The following LCT variants were observed in gnomAD, a reference collection of about 807,000 sequenced individuals.
The protein encoded by LCT is lactase, also known as lactase/phlorizin hydrolase.
Under a neutral mutation model 173.0 loss-of-function variants are expected in LCT, and 90 were observed. That is an observed-to-expected ratio of 0.52 (90% CI 0.44 to 0.62). The LOEUF (loss-of-function observed/expected upper bound fraction) is 0.62. Ranked by LOEUF, LCT falls within the 20% of genes least tolerant of loss-of-function variation. LCT has a pLI of 0.00. For missense variants in LCT, 1,864 were observed against 2,431.4 expected (o/e 0.77, Z 4.91); for synonymous variants, 853 against 957.6 (o/e 0.89, Z 2.02).
chr2:135,830,579 G>A (rs1041550609), intron 2 of LCT, among the ~76,000 whole-genome samples: 2 of 152,238 alleles, frequency 1.3e-5, no homozygotes, highest in Non-Finnish European at 2.9e-5. Context: ...GCCTGTGGAA[G>A]TTACTTATAT....
Position 135,817,494 on chromosome 2 carries a change from G to A in LCT, c.1554C>T (p.Ala518=), listed in dbSNP as rs773694350. ...AGCAGAAGGCCGCATAGTCCAGGAA[G>A]GCATCCACCACGCTCTCATTCTGCC... ...GGWQNESVVD[A]FLDYAAFCFS... The change falls in exon 6 of 17, where the codon GCC becomes GCT. Residue 518 remains alanine (A), a synonymous_variant. Coordinates refer to ENST00000264162, the MANE Select transcript of LCT (RefSeq NM_002299.4). 6 of 1,614,204 alleles carry A rather than the reference G, an allele frequency of 3.7e-6. No individual in the cohort carries two copies. The South Asian group carries it at 5.5e-5, about 15-fold the overall frequency.
At chr2:135,812,985 T>C (rs1364991501) in intron 6 of LCT, 29 bp from the exon 7 acceptor site, 1 of 1,598,292 alleles carries the variant, frequency 6.3e-7, no homozygotes, top group Admixed American at 1.7e-5. Context: ...GGAAATACAG[T>C]GATTAGTAAT....
Position 135,813,095 on chromosome 2 carries a change from G to A in LCT, c.1708-139C>T, listed in dbSNP as rs2077749115. The A allele has an allele frequency of 3.9e-6, 3 of 777,592 alleles. No individual in the cohort carries two copies. In the Admixed American group the frequency reaches 6.1e-5, roughly 16 times the overall value. The allele number at this position is 777,592 out of a possible 1,614,324, so 48.2% of individuals were successfully genotyped here. A position where few individuals can be genotyped will look rare whatever the true frequency, so the allele number is the denominator to read the frequency against. On this transcript the variant is annotated intron_variant, in intron 6 of 16. Transcript: ENST00000264162. Reference sequence around the variant, plus strand: ...CAACAACATTGACATTGTCAATATTGACAACATCAGCACTAATGTTAACAT... The same window carrying A: ...CAACAACATTGACATTGTCAATATTAACAACATCAGCACTAATGTTAACAT...
At chr2:135,826,261 G>C (rs1488791314) in intron 3 of LCT, among the ~76,000 whole-genome samples, 7 of 152,148 alleles carry the variant, frequency 4.6e-5, no homozygotes, top group Non-Finnish European at 1.0e-4. Context: ...GAAGTGTCTT[G>C]AAAATGTGGT....
intron 6 of LCT, among the ~76,000 whole-genome samples, chr2:135,815,010 GAA>G (rs1022715586): frequency 1.9e-4 from 29 of 152,082 alleles, no homozygotes; most frequent in African/African-American, 7.0e-4. Flanking sequence ...GTCCTTATAA[GAA>G]AAGATACCAG....
rs1048605566 is a variant in LCT at position 135,817,954 on chromosome 2, G to T, written c.1094C>A (p.Ala365Glu). The part of the protein sequence containing the change: ...PASAYQRIWE[A>E]FANQSRAERD... The stretch of plus-strand genomic sequence containing the variant: ...TTCCGCCCTGGACTGATTGGCAAAT[G>T]CTTCCCAGATTCTCTGATAGGCAGA... The change falls in exon 6 of 17, where the codon GCA (alanine) becomes GAA (glutamate). Residue 365 changes from alanine (A) to glutamate (E), a missense_variant. Transcript: ENST00000264162. The T allele has an allele frequency of 6.2e-7, 1 of 1,613,938 alleles. No homozygotes were observed. Among genetic ancestry groups the T allele is most frequent in the Non-Finnish European group, 8.5e-7 (1 of 1,180,000 alleles).
intron 12 of LCT, among the ~76,000 whole-genome samples, chr2:135,799,311 C>T (rs893509241): frequency 4.6e-5 from 7 of 152,020 alleles, no homozygotes; most frequent in African/African-American, 2.4e-5. Context: ...AGAGAGAAAC[C>T]CTTGCCTTTC....
At chr2:135,834,375 T>C (rs1227793330) in intron 1 of LCT, among the ~76,000 whole-genome samples, 3 of 151,436 alleles carry the variant, frequency 2.0e-5, no homozygotes, top group Admixed American at 6.6e-5. Flanking sequence ...TTAGTAGAGA[T>C]GGGGTTTCAC....
In LCT at chr2:135,836,804, A is replaced by G. The variant is rs1373333471; in HGVS notation, c.366T>C (p.Thr122=). ...CYRRLLKALK[T]ARLQPMVILH... The stretch of plus-strand genomic sequence containing the variant: ...GGATGACCATGGGCTGAAGCCGTGC[A>G]GTCTTGAGGGCCTTGAGGAGTCGCC... The change falls in exon 1 of 17, where the codon ACT becomes ACC. Residue 122 remains threonine (T), a synonymous_variant. Transcript: ENST00000264162. 6.2e-7 allele frequency: 1 copy of G among 1,614,078 alleles called. No individual in the cohort carries two copies. The highest frequency in any genetic ancestry group is 1.7e-5 in the Admixed American group (1 of 60,008).
chr2:135,794,813 A>G, intron 13 of LCT, 38 bp from the exon 14 acceptor site: 1 of 1,613,544 alleles, frequency 6.2e-7, no homozygotes, highest in Non-Finnish European at 8.5e-7. Context: ...GGCTTCAGGG[A>G]GAGCCATGCT....
In LCT at chr2:135,812,489, AATCCAAGAGG is replaced by A; in HGVS notation, c.2165_2174del (p.Ser722PhefsTer8). The A allele has an allele frequency of 6.2e-7, 1 of 1,614,236 alleles. No individual in the cohort carries two copies. The highest frequency in any genetic ancestry group is 8.5e-7 in the Non-Finnish European group (1 of 1,180,034). On this transcript the variant is annotated frameshift_variant, in exon 7 of 17. Transcript: ENST00000264162. LOFTEE classifies it high-confidence loss of function. ...TCCTTATCCCCCAGGGCACCACACG[AATCCAAGAGG>A]ATGAGGTCTGGGGCCACACATGGTT...
At chr2:135,822,151 C>G in intron 4 of LCT, 53 bp from the exon 5 acceptor site, 1 of 1,063,140 alleles carries the variant, frequency 9.4e-7, no homozygotes. Context: ...TAAGAACATG[C>G]AAGTCTGAAA....
In LCT at chr2:135,817,899, A is replaced by C. The variant is rs2105543345; in HGVS notation, c.1149T>G (p.Pro383=). The change falls in exon 6 of 17, where the codon CCT becomes CCG. Residue 383 remains proline, a synonymous_variant. Coordinates refer to ENST00000264162, the MANE Select transcript of LCT (RefSeq NM_002299.4). ...TGGAGGCACCCCAGAGGAAGCCTTC[A>C]GGGAAAGTATCCTGCAGGAAGGCAT... ...ERDAFLQDTF[P]EGFLWGASTG... 1 of 1,613,896 alleles carries C rather than the reference A, an allele frequency of 6.2e-7. No individual in the cohort carries two copies. Among genetic ancestry groups the C allele is most frequent in the Non-Finnish European group, 8.5e-7 (1 of 1,179,954 alleles).
chr2:135,804,275 G>A, intron 10 of LCT, 147 bp from the exon 11 acceptor site: 1 of 728,952 alleles, frequency 1.4e-6, no homozygotes, highest in Non-Finnish European at 2.4e-6. Context: ...TTTTCTTTTG[G>A]GAAAAGGGTA....
At chr2:135,821,621 T>C (rs1002152407) in intron 5 of LCT, 1 of 237,886 alleles carries the variant, frequency 4.2e-6, no homozygotes, top group Non-Finnish European at 8.3e-6. Flanking sequence ...GCTGGGACCA[T>C]AGGCATGCAC....
At chr2:135,803,428 C>T (rs2077643483) in intron 11 of LCT, among the ~76,000 whole-genome samples, 1 of 152,194 alleles carries the variant, frequency 6.6e-6, no homozygotes, top group African/African-American at 2.4e-5. Flanking sequence ...GGGCCGCAGA[C>T]AGCTAGCTCT....
intron 3 of LCT, among the ~76,000 whole-genome samples, chr2:135,826,499 CA>C (rs2077890467): frequency 6.6e-6 from 1 of 151,722 alleles, no homozygotes; most frequent in Non-Finnish European, 1.5e-5. Flanking sequence ...CCCAGAGGTG[CA>C]GGTTGCAGTG....
At chr2:135,830,899 G>T (rs1223845018) in intron 2 of LCT, among the ~76,000 whole-genome samples, 2 of 152,218 alleles carry the variant, frequency 1.3e-5, no homozygotes, top group East Asian at 1.9e-4. Flanking sequence ...ATCCACAGAG[G>T]TTTACACCTT....
At chr2:135,789,909 G>A (rs1272729098) in intron 15 of LCT, 111 bp from the exon 16 acceptor site, 1 of 853,252 alleles carries the variant, frequency 1.2e-6, no homozygotes, top group African/African-American at 1.6e-5. Context: ...CTTCACAGAT[G>A]GCGGTAAGCT....
Sources: allele counts gnomAD v4.1 joint callset (sites outside exome capture counted in the v4.1 genomes callset), GRCh38; gene constraint gnomAD v4.1.1; transcripts MANE v1.5; gene names NCBI Gene and HGNC (gene_info 2026-07-23, HGNC 2026-07-21).